The following ELAVL2 variants were observed in gnomAD, a reference collection of about 807,000 sequenced individuals.
ELAVL2 encodes ELAV like RNA binding protein 2.
A neutral mutation model predicts 34.6 loss-of-function variants in ELAVL2; 4 were observed. The observed-to-expected ratio is 0.12, with a 90% CI of 0.06 to 0.26. The LOEUF (loss-of-function observed/expected upper bound fraction) is 0.26. ELAVL2 is among the 10% of genes least tolerant of loss of function. The probability of loss-of-function intolerance (pLI) is 1.00; values close to 1 mark genes in which losing one functional copy is unlikely to be tolerated. For synonymous variants in ELAVL2, 193 were observed against 154.8 expected, an observed-to-expected ratio of 1.25 and a Z score of -1.83; for missense variants, 432 against 442.8, an observed-to-expected ratio of 0.98 and a Z score of 0.22.
chr9:23,776,076 C>G (rs1037277642), intron 1 of ELAVL2, among the ~76,000 whole-genome samples: 2 of 152,196 alleles, frequency 1.3e-5, no homozygotes, highest in Non-Finnish European at 2.9e-5. Context: ...TTTATGTTCC[C>G]TGCCAAGTGG....
chr9:23,703,684 C>T (rs1201557928), intron 4 of ELAVL2, among the ~76,000 whole-genome samples: 1 of 152,138 alleles, frequency 6.6e-6, no homozygotes, highest in Non-Finnish European at 1.5e-5. Context: ...TCTGAAGTCA[C>T]TGCTTTAAAA....
intron 1 of ELAVL2, among the ~76,000 whole-genome samples, chr9:23,801,758 T>C (rs966902625): frequency 2.6e-5 from 4 of 152,188 alleles, no homozygotes; most frequent in African/African-American, 9.7e-5. Context: ...ATTAATTCTA[T>C]TACAATATTA....
At chr9:23,744,062 T>TC (rs1203591605) in intron 2 of ELAVL2, among the ~76,000 whole-genome samples, 1 of 152,058 alleles carries the variant, frequency 6.6e-6, no homozygotes, top group East Asian at 1.9e-4. Flanking sequence ...CACAAAGGGG[T>TC]CCCTAAGGAA....
At chr9:23,816,960 C>A (rs555467339) in intron 1 of ELAVL2, among the ~76,000 whole-genome samples, 2 of 151,512 alleles carry the variant, frequency 1.3e-5, no homozygotes, top group African/African-American at 4.9e-5. Context: ...GATTGGCCAA[C>A]GGAAAAATAT....
chr9:23,777,222 C>T (rs1413890227), intron 1 of ELAVL2, among the ~76,000 whole-genome samples: 1 of 152,160 alleles, frequency 6.6e-6, no homozygotes, highest in Non-Finnish European at 1.5e-5. Context: ...AAGAAATTCT[C>T]GCTATCATCC....
At chr9:23,745,758 G>A (rs1216755312) in intron 2 of ELAVL2, among the ~76,000 whole-genome samples, 1 of 152,118 alleles carries the variant, frequency 6.6e-6, no homozygotes, top group Non-Finnish European at 1.5e-5. Context: ...AATAAGCAGA[G>A]GAGATAAATG....
the ELAVL2 span, among the ~76,000 whole-genome samples, chr9:23,846,969 G>A: frequency 6.6e-6 from 1 of 151,970 alleles, no homozygotes; most frequent in South Asian, 2.1e-4. Context: ...TGGTTCATAA[G>A]CTGTCTTGCC....
At position 23,826,003 on chromosome 9, in the gene ELAVL2, T is replaced by A. The variant is rs561368493; in HGVS notation, c.-213A>T. The A allele has an allele frequency of 6.6e-6, 1 of 151,162 alleles. No individual in the cohort carries two copies. The highest frequency in any genetic ancestry group is 6.6e-5 in the Admixed American group (1 of 15,208). 9.4% of individuals were successfully genotyped at this position (151,162 alleles called of 1,614,324 possible). A position where few individuals can be genotyped will look rare whatever the true frequency, so the allele number is the denominator to read the frequency against. On this transcript the variant is annotated 5_prime_UTR_variant, in exon 1 of 7. Coordinates refer to ENST00000397312, the MANE Select transcript of ELAVL2 (RefSeq NM_004432.5). ...TGCTAAAAGAAATGGCGAAAAAAAATATGAAAGGGGAGGGGAAACTTAAAA... is the reference window on the plus strand; with the variant it reads ...TGCTAAAAGAAATGGCGAAAAAAAAAATGAAAGGGGAGGGGAAACTTAAAA...
At chr9:23,836,613 G>A in the ELAVL2 span, among the ~76,000 whole-genome samples, 3 of 152,080 alleles carry the variant, frequency 2.0e-5, no homozygotes, top group South Asian at 4.1e-4. Flanking sequence ...TTCAGTCCTC[G>A]CTTTTAAAAG....
chr9:23,770,646 T>C (rs936632652), intron 1 of ELAVL2, among the ~76,000 whole-genome samples: 6 of 152,190 alleles, frequency 3.9e-5, no homozygotes, highest in Admixed American at 2.0e-4. Context: ...AAGCAGCCTC[T>C]AGGAGCTGCA....
At chr9:23,812,929 T>C (rs981503004) in intron 1 of ELAVL2, among the ~76,000 whole-genome samples, 3 of 152,102 alleles carry the variant, frequency 2.0e-5, no homozygotes, top group African/African-American at 4.8e-5. Flanking sequence ...ATGGGCATTG[T>C]TCCATCCTAA....
chr9:23,810,676 G>C (rs1235436830), intron 1 of ELAVL2, among the ~76,000 whole-genome samples: 1 of 152,164 alleles, frequency 6.6e-6, no homozygotes, highest in East Asian at 1.9e-4. Flanking sequence ...AAGAGGTACA[G>C]AACTAGGAGT....
chr9:23,828,906 A>C (rs1269601997), upstream of ELAVL2, among the ~76,000 whole-genome samples: 1 of 152,220 alleles, frequency 6.6e-6, no homozygotes, highest in African/African-American at 2.4e-5. Context: ...TTTCACTTTG[A>C]AATTCATGTC....
intron 1 of ELAVL2, among the ~76,000 whole-genome samples, chr9:23,788,982 G>A (rs772990703): frequency 1.1e-4 from 16 of 152,308 alleles, no homozygotes; most frequent in Admixed American, 2.0e-4. Flanking sequence ...CATGGAAAGC[G>A]AAACTGTGGG....
Position 23,826,110 on chromosome 9 carries a change from CAAAGA to C in ELAVL2, c.-325_-321del, listed in dbSNP as rs1023362051. 1 of 152,166 alleles carries C rather than the reference CAAAGA, an allele frequency of 6.6e-6. No individual in the cohort carries two copies. The highest frequency in any genetic ancestry group is 1.5e-5 in the Non-Finnish European group (1 of 68,038). 9.4% of individuals were successfully genotyped at this position (152,166 alleles called of 1,614,324 possible). ...GGGGCAAGAAAAACAAACCAAGGAA[CAAAGA>C]AAAGAGACGAAAGAACGTTTTTTCA... is the stretch of plus-strand genomic sequence containing the variant. On this transcript the variant is annotated 5_prime_UTR_variant, in exon 1 of 7. Transcript: ENST00000397312.
chr9:23,809,102 A>C (rs955983194), intron 1 of ELAVL2, among the ~76,000 whole-genome samples: 1 of 152,168 alleles, frequency 6.6e-6, no homozygotes, highest in Non-Finnish European at 1.5e-5. Context: ...TCATCCTGTG[A>C]TATTCTAAAT....
chr9:23,850,301 T>G, the ELAVL2 span, among the ~76,000 whole-genome samples: 1 of 132,378 alleles, frequency 7.6e-6, no homozygotes, highest in Admixed American at 8.8e-5. Context: ...CCAGCTCAAC[T>G]GCAGGAGAGG....
At chr9:23,709,293 T>TA (rs1219535170) in intron 3 of ELAVL2, among the ~76,000 whole-genome samples, 2 of 152,168 alleles carry the variant, frequency 1.3e-5, no homozygotes, top group East Asian at 3.9e-4. Context: ...AGATTATAAA[T>TA]AGAAAATGTA....
At chr9:23,764,853 G>A (rs1397135394) in intron 1 of ELAVL2, among the ~76,000 whole-genome samples, 1 of 152,088 alleles carries the variant, frequency 6.6e-6, no homozygotes, top group Admixed American at 6.6e-5. Context: ...AAATTGCAAT[G>A]TGCTTTAAGT....
Sources: allele counts gnomAD v4.1 joint callset (sites outside exome capture counted in the v4.1 genomes callset), GRCh38; gene constraint gnomAD v4.1.1; transcripts MANE v1.5; gene names NCBI Gene and HGNC (gene_info 2026-07-23, HGNC 2026-07-21).